ABCC1: variants seen among roughly 807,000 people sequenced by gnomAD.
ABCC1 encodes the protein multidrug resistance-associated protein 1.
Under a neutral mutation model 172.9 loss-of-function variants are expected in ABCC1, and 83 were observed. That is an observed-to-expected ratio of 0.48 (90% CI 0.40 to 0.58). The LOEUF is 0.58. Ranked by LOEUF, ABCC1 falls within the 20% of genes least tolerant of loss-of-function variation. ABCC1 has a pLI of 0.00. For missense variants in ABCC1, 1,817 were observed against 2,002.7 expected (o/e 0.91, Z 1.77); for synonymous variants, 937 against 825.2 (o/e 1.14, Z -2.32).
chr16:16,113,896 T>G (rs761956928), intron 22 of ABCC1, among the ~76,000 whole-genome samples: 6 of 152,130 alleles, frequency 3.9e-5, no homozygotes, highest in Non-Finnish European at 5.9e-5. Flanking sequence ...CTAGGTCCCT[T>G]GCATGCACGG....
rs1318205290 is a variant in ABCC1 at position 16,056,181 on chromosome 16, G to A, written c.1563G>A (p.Glu521=). 1.2e-6 allele frequency: 2 copies of A among 1,614,024 alleles called. No individual in the cohort carries two copies. The highest frequency in any genetic ancestry group is 1.7e-6 in the Non-Finnish European group (2 of 1,180,034). ...GIKVLKLYAW[E]LAFKDKVLAI... ...AAGTGCTAAAGCTTTATGCCTGGGA[G>A]CTGGCATTCAAGGACAAGGTGCTGG... The change falls in exon 12 of 31, where the codon GAG becomes GAA. Residue 521 remains glutamate, a synonymous_variant. Coordinates refer to ENST00000399410, the MANE Select transcript of ABCC1 (RefSeq NM_004996.4).
At chr16:16,091,293 A>AGTGGCTCACGCCT (rs2051244662) in intron 19 of ABCC1, among the ~76,000 whole-genome samples, 1 of 151,090 alleles carries the variant, frequency 6.6e-6, no homozygotes, top group Admixed American at 6.7e-5. Context: ...TGCCAGGCAC[A>AGTGGCTCACGCCT]GTGGCTCACG....
intron 19 of ABCC1, among the ~76,000 whole-genome samples, chr16:16,097,181 C>T (rs1281747923): frequency 1.1e-4 from 17 of 152,104 alleles, no homozygotes; most frequent in African/African-American, 2.9e-4. Context: ...GGTGCAATCT[C>T]GGCTCACTGC....
chr16:16,019,489 A>G (rs541821767), intron 5 of ABCC1, among the ~76,000 whole-genome samples: 2 of 152,256 alleles, frequency 1.3e-5, no homozygotes, highest in African/African-American at 2.4e-5. Flanking sequence ...CAGGGTAAAC[A>G]GAGTCTGGTT....
chr16:16,093,298 G>C (rs888721375), intron 19 of ABCC1, among the ~76,000 whole-genome samples: 1 of 151,944 alleles, frequency 6.6e-6, no homozygotes, highest in Non-Finnish European at 1.5e-5. Flanking sequence ...CTTTTGCCCA[G>C]CGTGAGGTCT....
At chr16:16,008,402 G>A (rs1353469778) in intron 2 of ABCC1, among the ~76,000 whole-genome samples, 1 of 151,726 alleles carries the variant, frequency 6.6e-6, no homozygotes, top group African/African-American at 2.4e-5. Context: ...GGGGGGACTT[G>A]CTGTGTTGCC....
chr16:16,079,840 G>T (rs1257801577), intron 16 of ABCC1, among the ~76,000 whole-genome samples: 2 of 150,450 alleles, frequency 1.3e-5, no homozygotes, highest in Non-Finnish European at 3.0e-5. Flanking sequence ...TTGAGACAGG[G>T]TCAGGCTCTG....
At chr16:16,141,109 G>A (rs1596567185) in intron 30 of ABCC1, 64 bp from the exon 31 acceptor site, 1 of 1,463,330 alleles carries the variant, frequency 6.8e-7, no homozygotes, top group African/African-American at 1.4e-5. Flanking sequence ...CAGGTCAGTT[G>A]TCCCAGGGGC....
intron 16 of ABCC1, among the ~76,000 whole-genome samples, chr16:16,080,631 C>A (rs1383178413): frequency 6.6e-6 from 1 of 152,138 alleles, no homozygotes; most frequent in African/African-American, 2.4e-5. Context: ...CGATAAAGAA[C>A]CCCAGGCTCA....
At chr16:15,954,229 A>G (rs1403159290) in intron 1 of ABCC1, among the ~76,000 whole-genome samples, 1 of 151,734 alleles carries the variant, frequency 6.6e-6, no homozygotes, top group African/African-American at 2.4e-5. Context: ...GGGTTTCATC[A>G]TGTTGGCCAG....
At chr16:15,957,659 G>A (rs984671276) in intron 1 of ABCC1, among the ~76,000 whole-genome samples, 3 of 151,918 alleles carry the variant, frequency 2.0e-5, no homozygotes, top group Non-Finnish European at 2.9e-5. Context: ...GCAGTGGCAC[G>A]ATCTTGGCTC....
rs530432963 is a variant in ABCC1, at chr16:15,986,907, G to A, written c.49-20909G>A. Among the ~76,000 whole-genome samples, 8 of 152,330 alleles carry A rather than the reference G, an allele frequency of 5.3e-5. No homozygotes were observed. The South Asian group carries it at 1.4e-3, about 28-fold the overall frequency. ...ATGTGGAAGGAGGCCGGGTGCAGTGGCTCACGCCTGTAATCCTAAGGCTGA... is the reference window on the plus strand; with the variant it reads ...ATGTGGAAGGAGGCCGGGTGCAGTGACTCACGCCTGTAATCCTAAGGCTGA... On this transcript the variant is annotated intron_variant, in intron 1 of 30. Transcript: ENST00000399410.
intron 7 of ABCC1, among the ~76,000 whole-genome samples, chr16:16,043,850 C>T (rs1341123371): frequency 6.6e-6 from 1 of 152,210 alleles, no homozygotes; most frequent in Non-Finnish European, 1.5e-5. Flanking sequence ...GATCCAGCCA[C>T]CTTGGCCTCC....
intron 10 of ABCC1, among the ~76,000 whole-genome samples, chr16:16,049,393 A>G (rs911546081): frequency 2.0e-5 from 3 of 152,182 alleles, no homozygotes; most frequent in Non-Finnish European, 2.9e-5. Context: ...AAGAGATGTG[A>G]TTGACAGCCC....
chr16:16,104,812 C>T (rs1275142636), intron 20 of ABCC1, among the ~76,000 whole-genome samples: 3 of 152,178 alleles, frequency 2.0e-5, no homozygotes, highest in African/African-American at 4.8e-5. Context: ...CCGAGCCCTG[C>T]CCCGCGGGGA....
intron 12 of ABCC1, among the ~76,000 whole-genome samples, chr16:16,066,234 C>T (rs571791670): frequency 4.6e-5 from 7 of 151,942 alleles, no homozygotes; most frequent in Non-Finnish European, 7.4e-5. Flanking sequence ...CCACCTGAAG[C>T]GCAATGGCAT....
intron 5 of ABCC1, 71 bp downstream of exon 5, chr16:16,016,692 C>G: frequency 1.3e-6 from 2 of 1,588,396 alleles, no homozygotes; most frequent in Non-Finnish European, 8.6e-7. Flanking sequence ...TACCAGCTAA[C>G]ATTTCTTAGA....
At position 16,056,162 on chromosome 16, in the gene ABCC1, T is replaced by C; in HGVS notation, c.1544T>C (p.Leu515Pro). 1 of 1,614,080 alleles carries C rather than the reference T, an allele frequency of 6.2e-7. No individual in the cohort carries two copies. Among genetic ancestry groups the C allele is most frequent in the Non-Finnish European group, 8.5e-7 (1 of 1,180,012 alleles). ...MNEILNGIKV[L>P]KLYAWELAFK... ...GAAATTCTCAATGGGATCAAAGTGCTAAAGCTTTATGCCTGGGAGCTGGCA... is the reference window on the plus strand; with the variant it reads ...GAAATTCTCAATGGGATCAAAGTGCCAAAGCTTTATGCCTGGGAGCTGGCA... Residue 515 changes from leucine (L) to proline (P), a missense_variant, in exon 12 of 31, where the codon CTA (leucine) becomes CCA (proline). Physicochemically the swap from Leu to Pro is moderately conservative, Grantham distance 98. Around this residue, in one of 3 missense-constraint regions of ABCC1, gnomAD observed 1,412 missense variants for 1,600.3 expected, o/e 0.88. Coordinates refer to ENST00000399410, the MANE Select transcript of ABCC1 (RefSeq NM_004996.4).
At chr16:16,055,549 C>CAA (rs35490080) in intron 11 of ABCC1, among the ~76,000 whole-genome samples, 6,954 of 142,684 alleles carry the variant, frequency 0.049, 183 homozygotes, top group Middle Eastern at 0.13. Flanking sequence ...GACTCCGTCA[C>CAA]AAAAAAAAAA....
Sources: gnomAD v4.1 joint callset for allele counts (sites outside exome capture counted in the v4.1 genomes callset) on GRCh38, gnomAD v4.1.1 for gene constraint, gnomAD v4.1.1 regional missense constraint, MANE v1.5 for transcripts, NCBI Gene and HGNC (gene_info 2026-07-23, HGNC 2026-07-21) for gene names.